Variants in ARHGAP8 observed in about 807,000 individuals in gnomAD.
ARHGAP8 encodes rho GTPase-activating protein 8.
A neutral mutation model predicts 46.1 loss-of-function variants in ARHGAP8; 62 were observed. That is an observed-to-expected ratio of 1.34 (90% CI 1.10 to 1.66). The LOEUF (loss-of-function observed/expected upper bound fraction) is 1.66, where lower values mean the gene tolerates loss of function less well. Ranked by LOEUF, ARHGAP8 falls within the 40% of genes most tolerant of loss-of-function variation. The pLI, the probability that ARHGAP8 is intolerant of heterozygous loss-of-function variation, is 0.00. For synonymous variants in ARHGAP8, 375 were observed against 243.1 expected (o/e 1.54, Z -5.05); for missense variants, 923 against 568.4 (o/e 1.62, Z -6.34).
intron 5 of ARHGAP8, 143 bp from the exon 6 acceptor site, chr22:44,822,228 T>G: frequency 1.5e-6 from 1 of 675,812 alleles, no homozygotes; most frequent in East Asian, 3.2e-5. Flanking sequence ...ATGTTCGGGT[T>G]TTAAGTCGTG....
intron 10 of ARHGAP8, among the ~76,000 whole-genome samples, chr22:44,855,981 C>G (rs1423007263): frequency 6.6e-6 from 1 of 152,160 alleles, no homozygotes; most frequent in Non-Finnish European, 1.5e-5. Context: ...AAAGGAGGAG[C>G]AGGTGTCTCA....
chr22:44,807,376 G>A (rs1929006721), intron 3 of ARHGAP8, among the ~76,000 whole-genome samples: 2 of 152,198 alleles, frequency 1.3e-5, no homozygotes, highest in African/African-American at 2.4e-5. Context: ...GTGGTCCATG[G>A]GAAATGGGTA....
intron 4 of ARHGAP8, 26 bp from the exon 5 acceptor site, chr22:44,814,645 GA>G: frequency 1.2e-6 from 2 of 1,608,048 alleles, no homozygotes; most frequent in South Asian, 2.2e-5. Context: ...GCGGCAGCCT[GA>G]AGTCATCCCC....
At chr22:44,855,537 T>C (rs2070199162) in intron 10 of ARHGAP8, among the ~76,000 whole-genome samples, 1 of 152,220 alleles carries the variant, frequency 6.6e-6, no homozygotes, top group Non-Finnish European at 1.5e-5. Context: ...GTGAAAGTTG[T>C]TATCAGTATT....
intron 10 of ARHGAP8, chr22:44,850,001 T>C (rs2070054898): frequency 6.6e-6 from 1 of 152,090 alleles, no homozygotes; most frequent in African/African-American, 2.4e-5. Context: ...GATAGGGGTG[T>C]AGGGGTGGCC....
At chr22:44,789,993 G>A (rs919714555) in intron 2 of ARHGAP8, among the ~76,000 whole-genome samples, 2 of 152,074 alleles carry the variant, frequency 1.3e-5, no homozygotes, top group African/African-American at 4.8e-5. Context: ...ATCACTAAAC[G>A]TTTTTTAAAA....
rs1257743476 is a variant in ARHGAP8, at chr22:44,862,374, A to T, written c.1081A>T (p.Ser361Cys). Reference protein sequence around the residue: ...IWPSQGVSSLSALVPLNMFTE... With the variant: ...IWPSQGVSSLCALVPLNMFTE... ...GCCATCCCAGGGGGTCTCCTCCCTG[A>T]GTGCCCTTGTGCCCCTGAACATGTT... is the stretch of plus-strand genomic sequence containing the variant. Residue 361 changes from serine to cysteine, a missense_variant, in exon 12 of 12, where the codon AGT becomes TGT. Physicochemically the swap from Ser to Cys is moderately radical, Grantham distance 112. Coordinates refer to ENST00000356099, the MANE Select transcript of ARHGAP8 (RefSeq NM_181335.3). 2 of 1,614,002 alleles carry T rather than the reference A, an allele frequency of 1.2e-6. No homozygotes were observed. The highest frequency in any genetic ancestry group is 1.7e-6 in the Non-Finnish European group (2 of 1,179,998).
At chr22:44,792,862 T>C (rs1316494303) in intron 2 of ARHGAP8, among the ~76,000 whole-genome samples, 2 of 151,766 alleles carry the variant, frequency 1.3e-5, no homozygotes, top group Non-Finnish European at 2.9e-5. Flanking sequence ...CTTACTCTGT[T>C]GCTCAGGCTG....
intron 7 of ARHGAP8, among the ~76,000 whole-genome samples, chr22:44,836,193 T>C (rs573199024): frequency 8.5e-5 from 13 of 152,078 alleles, no homozygotes; most frequent in Middle Eastern, 3.4e-3. Context: ...TCATACCAAA[T>C]CACAACTCTA....
intron 7 of ARHGAP8, among the ~76,000 whole-genome samples, chr22:44,845,023 C>T (rs1193689940): frequency 1.3e-5 from 2 of 152,162 alleles, no homozygotes; most frequent in African/African-American, 4.8e-5. Flanking sequence ...GGAAGCCCTC[C>T]CCAAACCCCA....
intron 10 of ARHGAP8, chr22:44,850,433 C>T (rs1298256748): frequency 6.6e-6 from 1 of 152,218 alleles, no homozygotes; most frequent in African/African-American, 2.4e-5. Context: ...GGGGCCAGAG[C>T]AGGCAAGATG....
At chr22:44,814,803 C>T (rs755017521) in intron 5 of ARHGAP8, 45 bp downstream of exon 5, 3 of 1,604,368 alleles carry the variant, frequency 1.9e-6, no homozygotes, top group Non-Finnish European at 2.6e-6. Context: ...TTGGAGGTTT[C>T]ACCCCTCAGG....
At position 44,802,055 on chromosome 22, in the gene ARHGAP8, TCA is replaced by T. The variant is rs1267186540; in HGVS notation, c.80-20_80-19del. 3 of 1,613,436 alleles carry T rather than the reference TCA, an allele frequency of 1.9e-6. No homozygotes were observed. The highest frequency in any genetic ancestry group is 1.7e-5 in the Admixed American group (1 of 59,982). On this transcript the variant is annotated intron_variant, in intron 2 of 11. Coordinates refer to ENST00000356099, the MANE Select transcript of ARHGAP8 (RefSeq NM_181335.3). The stretch of plus-strand genomic sequence containing the variant: ...TTCTAGGAGAAGGTGGCACAGAGGC[TCA>T]CCTGTGTCTGCTCCTCCAGGGGATG...
rs1341066427 is a variant in ARHGAP8, at chr22:44,859,854, G to C, written c.981+20G>C. 6.2e-7 allele frequency: 1 copy of C among 1,610,554 alleles called. No homozygotes were observed. The highest frequency in any genetic ancestry group is 1.1e-5 in the South Asian group (1 of 90,872). ...CATGCGGTGAGTGGGGAAGGGGGGA[G>C]CTTGGGGTGAAGCCCAGTGGCCTTC... On this transcript the variant is annotated intron_variant, in intron 11 of 11. Coordinates refer to ENST00000356099, the MANE Select transcript of ARHGAP8 (RefSeq NM_181335.3).
intron 2 of ARHGAP8, among the ~76,000 whole-genome samples, chr22:44,787,134 A>G (rs16992796): frequency 0.12 from 17,549 of 151,992 alleles, 1,429 homozygotes; most frequent in African/African-American, 0.24. Context: ...AGCATTGCCC[A>G]GGTGCTCCGA....
chr22:44,838,140 A>ATTTTTTTTTTTTTTTTT lies in ARHGAP8; in HGVS notation c.597-7115_597-7114insTTTTTTTTTTTTTTTTT, dbSNP rs61131873. On this transcript the variant is annotated intron_variant, in intron 7 of 11. Transcript: ENST00000356099. ...AGGAGTGCGCCACCATGCCTGGCTA[A>ATTTTTTTTTTTTTTTTT]TTTTTTTTTTTTTTGAAGACGGAGT... 2.1e-3 allele frequency among the ~76,000 whole-genome samples: 296 copies of ATTTTTTTTTTTTTTTTT among 143,464 alleles called. 1 individual carries two copies. The highest frequency in any genetic ancestry group is 7.4e-3 in the African/African-American group (286 of 38,660). The allele number at this position is 143,464 out of a possible 152,430, so 94.1% of individuals were successfully genotyped here. A position where few individuals can be genotyped will look rare whatever the true frequency, so the allele number is the denominator to read the frequency against.
At position 44,862,772 on chromosome 22, in the gene ARHGAP8, C is replaced by G. The variant is rs1033998199; in HGVS notation, c.*177C>G. 2.7e-6 allele frequency: 2 copies of G among 744,770 alleles called. No homozygotes were observed. The highest frequency in any genetic ancestry group is 1.7e-5 in the African/African-American group (1 of 57,548). 46.1% of individuals were successfully genotyped at this position (744,770 alleles called of 1,614,324 possible). ...TGTCCATGGTTCCTGAGCTGTGGAC[C>G]GGGATAGAATAATGCATTTGTTAGG... On this transcript the variant is annotated 3_prime_UTR_variant, in exon 12 of 12. Coordinates refer to ENST00000356099, the MANE Select transcript of ARHGAP8 (RefSeq NM_181335.3).
intron 1 of ARHGAP8, among the ~76,000 whole-genome samples, chr22:44,780,628 C>T (rs1282256287): frequency 3.3e-5 from 5 of 152,172 alleles, no homozygotes; most frequent in Admixed American, 6.5e-5. Context: ...CACCACTGCA[C>T]TCCAGCCTGG....
intron 7 of ARHGAP8, among the ~76,000 whole-genome samples, chr22:44,837,614 A>G (rs1429480132): frequency 6.6e-6 from 1 of 152,146 alleles, no homozygotes; most frequent in African/African-American, 2.4e-5. Context: ...ACATCTGCCA[A>G]CCAGAGTCCC....
Sources: gnomAD v4.1 joint callset for allele counts (sites outside exome capture counted in the v4.1 genomes callset) on GRCh38, gnomAD v4.1.1 for gene constraint, MANE v1.5 for transcripts, NCBI Gene and HGNC (gene_info 2026-07-23, HGNC 2026-07-21) for gene names.